DDHD1: variants seen among roughly 807,000 people sequenced by gnomAD.
DDHD1 encodes the protein DDHD domain containing 1.
DDHD1 carries 49 observed loss-of-function variants against 96.4 expected under a neutral mutation model. The ratio of observed to expected loss-of-function variants is 0.51; its 90% CI spans 0.40 to 0.64. The LOEUF is 0.64. Ranked by LOEUF, DDHD1 falls within the 30% of genes least tolerant of loss-of-function variation. The pLI is 0.00. For missense variants in DDHD1, 1,106 were observed against 1,161.2 expected (o/e 0.95, Z 0.69); for synonymous variants, 442 against 446.5 (o/e 0.99, Z 0.13).
chr14:53,117,419 G>C (rs1888631701), intron 1 of DDHD1, among the ~76,000 whole-genome samples: 1 of 152,168 alleles, frequency 6.6e-6, no homozygotes, highest in Non-Finnish European at 1.5e-5. Context: ...ACTGTACCTG[G>C]AGAAATGGTA....
chr14:53,063,185 T>C lies in DDHD1; in HGVS notation c.1524A>G (p.Gln508=), dbSNP rs138906273. 2,930 of 1,613,696 alleles carry C rather than the reference T, an allele frequency of 1.8e-3. 9 individuals are homozygous for C. Among genetic ancestry groups the C allele is most frequent in the Non-Finnish European group, 2.2e-3 (2,579 of 1,179,922 alleles). The part of the protein sequence containing the change: ...YRDELVKGLQ[Q]ELNRLYSLFC... ...AAAGGGAATACAATCGATTCAGCTC[T>C]TGCTGAAGGCCTTTAACTAGCTGTT... is the stretch of plus-strand genomic sequence containing the variant. Residue 508 remains glutamine (Q), a synonymous_variant, in exon 7 of 13, where the codon CAA becomes CAG. Transcript: ENST00000673822.
intron 4 of DDHD1, among the ~76,000 whole-genome samples, chr14:53,083,959 T>C (rs1188194741): frequency 2.6e-5 from 4 of 152,190 alleles, no homozygotes; most frequent in Non-Finnish European, 5.9e-5. Context: ...CTTCCAATAA[T>C]AGCTCTTGAT....
intron 1 of DDHD1, among the ~76,000 whole-genome samples, chr14:53,106,051 T>C (rs1887668544): frequency 6.6e-6 from 1 of 152,136 alleles, no homozygotes; most frequent in Non-Finnish European, 1.5e-5. Flanking sequence ...TATTATCTGG[T>C]CAATCCATTT....
chr14:53,096,089 T>G, intron 2 of DDHD1: 10 of 954,696 alleles, frequency 1.0e-5, no homozygotes, highest in Non-Finnish European at 1.2e-5. Flanking sequence ...TATAACTACA[T>G]GGAGAAATAA....
intron 1 of DDHD1, among the ~76,000 whole-genome samples, chr14:53,147,479 A>G (rs1891078496): frequency 6.6e-6 from 1 of 152,240 alleles, no homozygotes; most frequent in Admixed American, 6.5e-5. Flanking sequence ...TCAATAACTG[A>G]TATTAGATCC....
chr14:53,124,599 G>GTA (rs1889292263), intron 1 of DDHD1, among the ~76,000 whole-genome samples: 1 of 152,142 alleles, frequency 6.6e-6, no homozygotes, highest in African/African-American at 2.4e-5. Flanking sequence ...AATGTCAATA[G>GTA]TATTTACAAA....
At chr14:53,114,378 C>A (rs1344527625) in intron 1 of DDHD1, among the ~76,000 whole-genome samples, 1 of 152,196 alleles carries the variant, frequency 6.6e-6, no homozygotes, top group Admixed American at 6.5e-5. Context: ...TACAGTGCAC[C>A]AGCTCTGCTA....
At chr14:53,145,158 T>A (rs971393373) in intron 1 of DDHD1, among the ~76,000 whole-genome samples, 10 of 151,362 alleles carry the variant, frequency 6.6e-5, no homozygotes, top group Non-Finnish European at 8.8e-5. Flanking sequence ...TCAAAAATAA[T>A]AAAAAAAATA....
intron 1 of DDHD1, among the ~76,000 whole-genome samples, chr14:53,110,274 G>A (rs1354074394): frequency 6.6e-6 from 1 of 152,100 alleles, no homozygotes; most frequent in East Asian, 1.9e-4. Flanking sequence ...AGCCTCCTAC[G>A]TAAACTCAGT....
At chr14:53,148,055 AAAC>A in intron 1 of DDHD1, among the ~76,000 whole-genome samples, 1 of 152,216 alleles carries the variant, frequency 6.6e-6, no homozygotes, top group East Asian at 1.9e-4. Flanking sequence ...TATACCACAA[AAAC>A]AACTGGTCTA....
At chr14:53,092,143 G>C in intron 3 of DDHD1, 1 of 362,770 alleles carries the variant, frequency 2.8e-6, no homozygotes, top group Non-Finnish European at 4.9e-6. Flanking sequence ...ACCATAAAGA[G>C]AAAGAAATGG....
Position 53,042,930 on chromosome 14 carries a change from A to G in DDHD1, c.*3838T>C, listed in dbSNP as rs1234181457. ...CAAATTAGTTTTCTCGATTGTCCAC[A>G]TGCCTTACTCATTAATTAGCTGAGA... On this transcript the variant is annotated 3_prime_UTR_variant, in exon 13 of 13. Transcript: ENST00000673822. 1 of 152,214 alleles carries G rather than the reference A, an allele frequency of 6.6e-6. No individual in the cohort carries two copies. Among genetic ancestry groups the G allele is most frequent in the Non-Finnish European group, 1.5e-5 (1 of 68,038 alleles). The allele number at this position is 152,214 out of a possible 1,614,324, so 9.4% of individuals were successfully genotyped here. A position where few individuals can be genotyped will look rare whatever the true frequency, so the allele number is the denominator to read the frequency against.
At chr14:53,143,350 G>A (rs1411277219) in intron 1 of DDHD1, among the ~76,000 whole-genome samples, 2 of 152,210 alleles carry the variant, frequency 1.3e-5, no homozygotes, top group African/African-American at 4.8e-5. Flanking sequence ...ATGTTTGTTA[G>A]AAATGCTTGT....
intron 6 of DDHD1, among the ~76,000 whole-genome samples, chr14:53,065,735 T>A (rs1031219723): frequency 6.6e-6 from 1 of 152,190 alleles, no homozygotes; most frequent in East Asian, 1.9e-4. Context: ...TAGGAGTCCC[T>A]TCAGTAGCAT....
rs762316191 is a variant in DDHD1 at position 53,091,833 on chromosome 14, C to T, written c.1241G>A (p.Gly414Asp). ...TCCTTGGTCCATTTTCTGCCCAATG[C>T]CATGCACAACAAATACAATATGGGT... Reference protein sequence around the residue: ...QTTHIVFVVHGIGQKMDQGRI... With the variant: ...QTTHIVFVVHDIGQKMDQGRI... Residue 414 changes from glycine to aspartate, a missense_variant, in exon 4 of 13, where the codon GGC becomes GAC. Around this residue, in one of 2 missense-constraint regions of DDHD1, gnomAD observed 650 missense variants for 758.8 expected, o/e 0.86. Transcript: ENST00000673822. The T allele has an allele frequency of 1.2e-6, 2 of 1,613,640 alleles. No individual in the cohort carries two copies.
Position 53,152,490 on chromosome 14 carries a change from G to A in DDHD1, c.609C>T (p.Ala203=), listed in dbSNP as rs1381454808. ...CGTCCCGGTCCCCGCCCTGGGGCCG[G>A]GCACCCGTGGTCTGCAGCAGGGTCC... ...AFRTLLQTTG[A]RPQGGDRDGD... Residue 203 remains alanine, a synonymous_variant, in exon 1 of 13, where the codon GCC becomes GCT. Transcript: ENST00000673822. The A allele has an allele frequency of 6.2e-7, 1 of 1,613,072 alleles. No individual in the cohort carries two copies.
intron 1 of DDHD1, among the ~76,000 whole-genome samples, chr14:53,132,961 C>T (rs1316578119): frequency 6.6e-6 from 1 of 152,228 alleles, no homozygotes; most frequent in Non-Finnish European, 1.5e-5. Context: ...TCTTTTCCCA[C>T]ATAAGGCAAA....
At chr14:53,090,707 C>T (rs1886362305) in intron 4 of DDHD1, among the ~76,000 whole-genome samples, 1 of 152,136 alleles carries the variant, frequency 6.6e-6, no homozygotes, top group African/African-American at 2.4e-5. Context: ...GGCAACATCA[C>T]ACACCGGGCC....
At chr14:53,054,816 G>A (rs1215016189) in intron 10 of DDHD1, among the ~76,000 whole-genome samples, 187 bp from the exon 11 acceptor site, 1 of 152,132 alleles carries the variant, frequency 6.6e-6, no homozygotes, top group Non-Finnish European at 1.5e-5. Context: ...AATAGAATGA[G>A]AGTTGTATAA....
Sources: allele counts gnomAD v4.1 joint callset (sites outside exome capture counted in the v4.1 genomes callset), GRCh38; gene constraint gnomAD v4.1.1; regional missense constraint gnomAD v4.1.1; transcripts MANE v1.5; gene names NCBI Gene and HGNC (gene_info 2026-07-23, HGNC 2026-07-21).